The following INO80D variants were observed in gnomAD, a reference collection of about 807,000 sequenced individuals.
The protein encoded by INO80D is INO80 complex subunit D.
INO80D carries 21 observed loss-of-function variants against 87.6 expected under a neutral mutation model. That is an observed-to-expected ratio of 0.24 (90% CI 0.17 to 0.35). The LOEUF (loss-of-function observed/expected upper bound fraction) is 0.35, where lower values mean the gene tolerates loss of function less well. Ranked by LOEUF, INO80D falls within the 10% of genes least tolerant of loss-of-function variation. The pLI is 1.00. For missense variants in INO80D, 982 were observed against 1,280.7 expected (o/e 0.77, Z 3.56); for synonymous variants, 440 against 491.0 (o/e 0.90, Z 1.37).
At chr2:206,047,470 C>T (rs1420683113) in intron 4 of INO80D, among the ~76,000 whole-genome samples, 3 of 151,956 alleles carry the variant, frequency 2.0e-5, no homozygotes, top group Admixed American at 1.3e-4. Context: ...CCACCTGCCT[C>T]GGCCTCCCAA....
chr2:206,057,917 G>C (rs1003434449), intron 3 of INO80D, among the ~76,000 whole-genome samples: 3 of 150,668 alleles, frequency 2.0e-5, no homozygotes, highest in African/African-American at 7.3e-5. Flanking sequence ...AAAAAAAAGA[G>C]CAAAATTAAA....
intron 1 of INO80D, among the ~76,000 whole-genome samples, chr2:206,082,954 A>T (rs918255147): frequency 3.3e-5 from 5 of 152,218 alleles, no homozygotes; most frequent in Admixed American, 6.6e-5. Flanking sequence ...TCCTCCTAAA[A>T]ATCTTCCAGA....
At chr2:206,061,667 G>A (rs1354315693) in intron 3 of INO80D, among the ~76,000 whole-genome samples, 1 of 152,200 alleles carries the variant, frequency 6.6e-6, no homozygotes, top group African/African-American at 2.4e-5. Flanking sequence ...TTCTAAGAGA[G>A]TATTCCTAAA....
intron 1 of INO80D, among the ~76,000 whole-genome samples, chr2:206,083,508 A>G (rs1690340131): frequency 6.6e-6 from 1 of 152,240 alleles, no homozygotes; most frequent in Non-Finnish European, 1.5e-5. Flanking sequence ...CATTAAATGT[A>G]ATTTGCATTT....
intron 4 of INO80D, among the ~76,000 whole-genome samples, chr2:206,049,428 G>A (rs1015728945): frequency 2.6e-5 from 4 of 152,234 alleles, no homozygotes; most frequent in Non-Finnish European, 4.4e-5. Flanking sequence ...GACATTTAAG[G>A]CACCACTGAA....
chr2:206,029,539 TTC>T (rs1193402109), intron 5 of INO80D, among the ~76,000 whole-genome samples: 1 of 152,232 alleles, frequency 6.6e-6, no homozygotes, highest in African/African-American at 2.4e-5. Context: ...GGACTATATA[TTC>T]TCTTACTAAT....
At chr2:206,045,835 C>T (rs1163509973) in intron 5 of INO80D, among the ~76,000 whole-genome samples, 1 of 152,142 alleles carries the variant, frequency 6.6e-6, no homozygotes, top group Non-Finnish European at 1.5e-5. Context: ...AAGGAAGATA[C>T]AGAGAGGCAA....
At position 206,056,322 on chromosome 2, in the gene INO80D, A is replaced by G. The variant is rs752206767; in HGVS notation, c.840T>C (p.Thr280=). 6.2e-7 allele frequency: 1 copy of G among 1,614,006 alleles called. No individual in the cohort carries two copies. The highest frequency in any genetic ancestry group is 1.1e-5 in the South Asian group (1 of 91,086). Reference sequence around the variant, plus strand: ...CTGTGGCTTTCATGAGGATCCGGTCAGTCCTGGGTGGGTCCACAGTGGGAG... The same window carrying G: ...CTGTGGCTTTCATGAGGATCCGGTCGGTCCTGGGTGGGTCCACAGTGGGAG... ...SRAPTVDPPR[T]DRILMKATAF... The change falls in exon 4 of 11, where the codon ACT becomes ACC. Residue 280 remains threonine, a synonymous_variant. Coordinates refer to ENST00000403263, the MANE Select transcript of INO80D (RefSeq NM_017759.5).
chr2:206,037,711 C>A (rs1316116642), intron 5 of INO80D, among the ~76,000 whole-genome samples: 1 of 152,120 alleles, frequency 6.6e-6, no homozygotes, highest in African/African-American at 2.4e-5. Context: ...TTCAACCCAG[C>A]AATCCCATTA....
Position 205,994,899 on chromosome 2 carries a change from G to C in INO80D, c.*9469C>G, listed in dbSNP as rs1216987727. 1 of 145,880 alleles carries C rather than the reference G, an allele frequency of 6.9e-6. No homozygotes were observed. Among genetic ancestry groups the C allele is most frequent in the African/African-American group, 2.5e-5 (1 of 39,734 alleles). The allele number at this position is 145,880 out of a possible 1,614,324, so 9.0% of individuals were successfully genotyped here. ...CAAAAAAAAAAAAAAAAGAAAGAAA[G>C]AAAGAAAGAAAAAAGAGTTTGGGAG... On this transcript the variant is annotated 3_prime_UTR_variant, in exon 11 of 11. Coordinates refer to ENST00000403263, the MANE Select transcript of INO80D (RefSeq NM_017759.5).
At chr2:206,028,379 G>C (rs762143492) in intron 5 of INO80D, 44 bp from the exon 6 acceptor site, 1 of 1,459,868 alleles carries the variant, frequency 6.8e-7, no homozygotes, top group Non-Finnish European at 9.4e-7. Context: ...TTACACATTA[G>C]GCTCATTTTA....
intron 1 of INO80D, among the ~76,000 whole-genome samples, chr2:206,063,960 T>G (rs1407736512): frequency 6.6e-6 from 1 of 152,200 alleles, no homozygotes; most frequent in South Asian, 2.1e-4. Flanking sequence ...TGGTAAAATA[T>G]TTGGCAATTT....
Position 206,019,739 on chromosome 2 carries a change from G to T in INO80D, c.1405C>A (p.Gln469Lys), listed in dbSNP as rs763904616. Reference sequence around the variant, plus strand: ...TTCCATTTAGTTGAAAGGATACGTTGGAAACAATGTCTGGTGAATGGAAGG... The same window carrying T: ...TTCCATTTAGTTGAAAGGATACGTTTGAAACAATGTCTGGTGAATGGAAGG... ...KALPFTRHCF[Q>K]HILLNHSQQL... Residue 469 changes from glutamine to lysine, a missense_variant, in exon 7 of 11, where the codon CAA becomes AAA. By Grantham distance (53) the Gln-to-Lys change is moderately conservative (BLOSUM62 1). Coordinates refer to ENST00000403263, the MANE Select transcript of INO80D (RefSeq NM_017759.5). 3.1e-6 allele frequency: 5 copies of T among 1,612,126 alleles called. No homozygotes were observed. The highest frequency in any genetic ancestry group is 3.4e-6 in the Non-Finnish European group (4 of 1,178,558).
rs1168566680 is a variant in INO80D, at chr2:205,998,312, A to G, written c.*6056T>C. 1.3e-5 allele frequency: 2 copies of G among 152,100 alleles called. No individual in the cohort carries two copies. Among genetic ancestry groups the G allele is most frequent in the African/African-American group, 2.4e-5 (1 of 41,438 alleles). 9.4% of individuals were successfully genotyped at this position (152,100 alleles called of 1,614,324 possible). On this transcript the variant is annotated 3_prime_UTR_variant, in exon 11 of 11. Coordinates refer to ENST00000403263, the MANE Select transcript of INO80D (RefSeq NM_017759.5). ...TCAACAGTTCTAGGAACAGTTATAA[A>G]TGGTCTAAAGGTGTTCTACATTTTG...
chr2:206,077,297 G>A (rs941875584), intron 1 of INO80D, among the ~76,000 whole-genome samples: 5 of 150,188 alleles, frequency 3.3e-5, no homozygotes, highest in Admixed American at 6.6e-5. Flanking sequence ...CCAAGATCGC[G>A]CCACTGCACT....
Position 206,007,438 on chromosome 2 carries a change from G to C in INO80D, c.1764C>G (p.Ser588Arg), listed in dbSNP as rs1688055472. 1 of 1,606,988 alleles carries C rather than the reference G, an allele frequency of 6.2e-7. No homozygotes were observed. The highest frequency in any genetic ancestry group is 1.3e-5 in the African/African-American group (1 of 74,572). The change falls in exon 10 of 11, where the codon AGC (serine) becomes AGG (arginine). Residue 588 changes from serine to arginine, a missense_variant. Coordinates refer to ENST00000403263, the MANE Select transcript of INO80D (RefSeq NM_017759.5). ...SLPVEASHIR[S>R]PSTPELSADE... Reference sequence around the variant, plus strand: ...CAGCACTCAGCTCTGGCGTGGATGGGCTCCTGGGAAAGAGGACACTGTTGG... The same window carrying C: ...CAGCACTCAGCTCTGGCGTGGATGGCCTCCTGGGAAAGAGGACACTGTTGG...
intron 9 of INO80D, among the ~76,000 whole-genome samples, chr2:206,008,920 CT>C (rs1424497292): frequency 6.6e-6 from 1 of 152,202 alleles, no homozygotes; most frequent in African/African-American, 2.4e-5. Context: ...CTTCATTCTT[CT>C]GGTCAAAATG....
chr2:206,069,625 G>T (rs544919688), intron 1 of INO80D, among the ~76,000 whole-genome samples: 1 of 152,138 alleles, frequency 6.6e-6, no homozygotes, highest in Non-Finnish European at 1.5e-5. Flanking sequence ...TTGTTCAAGG[G>T]TCAACTGTAG....
At chr2:206,075,146 G>C (rs764576150) in intron 1 of INO80D, among the ~76,000 whole-genome samples, 2 of 151,530 alleles carry the variant, frequency 1.3e-5, no homozygotes, top group Non-Finnish European at 2.9e-5. Flanking sequence ...AGAGGAATAA[G>C]ACATTAGCAA....
Sources: allele counts gnomAD v4.1 joint callset (sites outside exome capture counted in the v4.1 genomes callset), GRCh38; gene constraint gnomAD v4.1.1; transcripts MANE v1.5; gene names NCBI Gene and HGNC (gene_info 2026-07-23, HGNC 2026-07-21).